ATP6V1H: variants seen among roughly 807,000 people sequenced by gnomAD.
The protein encoded by ATP6V1H is V-type proton ATPase subunit H.
In ATP6V1H, 39 loss-of-function variants were observed where a neutral mutation model predicts 71.7. The ratio of observed to expected loss-of-function variants is 0.54; its 90% confidence interval spans 0.42 to 0.71. The LOEUF (loss-of-function observed/expected upper bound fraction) is 0.71. ATP6V1H is among the 30% of genes least tolerant of loss of function. ATP6V1H has a pLI of 0.00. For synonymous variants in ATP6V1H, 192 were observed against 199.3 expected (o/e 0.96, Z 0.31); for missense variants, 509 against 594.9 (o/e 0.86, Z 1.50).
At position 53,829,533 on chromosome 8, in the gene ATP6V1H, A is replaced by C. The variant is rs1273794237; in HGVS notation, c.217T>G (p.Cys73Gly). The change falls in exon 4 of 14, where the codon TGT (cysteine) becomes GGT (glycine). Residue 73 changes from cysteine to glycine, a missense_variant and splice_region_variant. By Grantham distance (159) the Cys-to-Gly change is radical (BLOSUM62 -3). Around this residue, in one of 2 missense-constraint regions of ATP6V1H, gnomAD observed 297 missense variants for 303.3 expected, o/e 0.98. Coordinates refer to ENST00000359530, the MANE Select transcript of ATP6V1H (RefSeq NM_015941.4). Reference protein sequence around the residue: ...QEMLQTEGSQCAKTFINLMTH... With the variant: ...QEMLQTEGSQGAKTFINLMTH... Reference sequence around the variant, plus strand: ...ATCAGATTTATAAATGTTTTAGCACACTAAAAAAAAAAATGAAATTAAAGT... The same window carrying C: ...ATCAGATTTATAAATGTTTTAGCACCCTAAAAAAAAAAATGAAATTAAAGT... 3.2e-6 allele frequency: 5 copies of C among 1,556,986 alleles called. No homozygotes were observed. In the African/African-American group the frequency reaches 5.5e-5, roughly 17 times the overall value.
At chr8:53,793,527 C>T (rs1809631957) in intron 9 of ATP6V1H, among the ~76,000 whole-genome samples, 1 of 151,946 alleles carries the variant, frequency 6.6e-6, no homozygotes, top group African/African-American at 2.4e-5. Flanking sequence ...CACCTATAGT[C>T]CCAGCTACTT....
intron 9 of ATP6V1H, among the ~76,000 whole-genome samples, chr8:53,788,538 A>G (rs1809454288): frequency 6.6e-6 from 1 of 152,222 alleles, no homozygotes; most frequent in Non-Finnish European, 1.5e-5. Context: ...TTTTATGGAG[A>G]AAAGGGCAGG....
chr8:53,726,118 ACT>A (rs1480573927), intron 13 of ATP6V1H, among the ~76,000 whole-genome samples: 1 of 152,104 alleles, frequency 6.6e-6, no homozygotes, highest in Non-Finnish European at 1.5e-5. Context: ...AAAAGTTGTT[ACT>A]CTTTCTAGTG....
At chr8:53,733,679 CT>C (rs901102424) in intron 13 of ATP6V1H, among the ~76,000 whole-genome samples, 3 of 152,176 alleles carry the variant, frequency 2.0e-5, no homozygotes, top group Admixed American at 2.0e-4. Context: ...TGAGAAAATT[CT>C]TAGGAGCTGT....
chr8:53,797,963 G>A (rs1198942305), intron 8 of ATP6V1H, among the ~76,000 whole-genome samples: 1 of 152,088 alleles, frequency 6.6e-6, no homozygotes, highest in Non-Finnish European at 1.5e-5. Flanking sequence ...AGTTTAATGG[G>A]AATAGCACTG....
At chr8:53,826,951 C>CA (rs112178508) in intron 4 of ATP6V1H, among the ~76,000 whole-genome samples, 7,942 of 116,400 alleles carry the variant, frequency 0.068, 597 homozygotes, top group African/African-American at 0.2. Context: ...AATTCTGTCT[C>CA]AAAAAAAAAA....
chr8:53,825,677 G>A (rs1810804170), intron 4 of ATP6V1H, among the ~76,000 whole-genome samples: 1 of 152,040 alleles, frequency 6.6e-6, no homozygotes, highest in African/African-American at 2.4e-5. Flanking sequence ...TTTAATAAAT[G>A]GTGCTAGAAC....
intron 12 of ATP6V1H, among the ~76,000 whole-genome samples, chr8:53,756,059 T>TTTTTC: frequency 1.4e-5 from 2 of 142,866 alleles, no homozygotes; most frequent in South Asian, 2.2e-4. Context: ...TATACTATTC[T>TTTTTC]TTTTCTTTTC....
chr8:53,791,216 C>G (rs1809554604), intron 9 of ATP6V1H, among the ~76,000 whole-genome samples: 1 of 152,152 alleles, frequency 6.6e-6, no homozygotes, highest in South Asian at 2.1e-4. Context: ...AGCTCTTATT[C>G]CATGTTCCCT....
At position 53,794,384 on chromosome 8, in the gene ATP6V1H, G is replaced by T. The variant is rs528365352; in HGVS notation, c.870+1263C>A. ...ATTTTCATTTTACTTTATTTTTTTT[G>T]ATATGGAGTCTCACTCTGTCGCCCA... On this transcript the variant is annotated intron_variant, in intron 9 of 13. Coordinates refer to ENST00000359530, the MANE Select transcript of ATP6V1H (RefSeq NM_015941.4). 4.0e-3 allele frequency among the ~76,000 whole-genome samples: 605 copies of T among 151,494 alleles called. 4 individuals are homozygous for T. The highest frequency in any genetic ancestry group is 0.014 in the African/African-American group (564 of 41,298).
At chr8:53,795,454 T>TA (rs1313686889) in intron 9 of ATP6V1H, among the ~76,000 whole-genome samples, 193 bp downstream of exon 9, 3 of 152,224 alleles carry the variant, frequency 2.0e-5, no homozygotes, top group African/African-American at 4.8e-5. Flanking sequence ...CATTCATAGA[T>TA]AGTTTCCTCT....
In ATP6V1H at chr8:53,801,688, CAG is replaced by C. The variant is rs1480976568; in HGVS notation, c.677+109_677+110del. ...AAGCTTAGCATAGTCAATTGTTAAA[CAG>C]ATATGAAAAAAATAAAATATTTCTT... On this transcript the variant is annotated intron_variant, in intron 8 of 13. Transcript: ENST00000359530. 7.8e-6 allele frequency: 7 copies of C among 892,860 alleles called. No individual in the cohort carries two copies. In the African/African-American group the frequency reaches 1.0e-4, roughly 13 times the overall value. 55.3% of individuals were successfully genotyped at this position (892,860 alleles called of 1,614,324 possible).
rs1809918526 is a variant in ATP6V1H, at chr8:53,801,829, A to C, written c.647T>G (p.Phe216Cys). ...TACCCCATCTGCTTCCACCCAAGCAAAGCGGTACTCATTGACCCGGAGCAT... is the reference window on the plus strand; with the variant it reads ...TACCCCATCTGCTTCCACCCAAGCACAGCGGTACTCATTGACCCGGAGCAT... Reference protein sequence around the residue: ...QLMLRVNEYRFAWVEADGVNC... With the variant: ...QLMLRVNEYRCAWVEADGVNC... Residue 216 changes from phenylalanine to cysteine, a missense_variant, in exon 8 of 14, where the codon TTT becomes TGT. Phe to Cys is a radical substitution (Grantham distance 205). Around this residue, in one of 2 missense-constraint regions of ATP6V1H, gnomAD observed 297 missense variants for 303.3 expected, o/e 0.98. Transcript: ENST00000359530. The C allele has an allele frequency of 6.2e-7, 1 of 1,613,988 alleles. No individual in the cohort carries two copies. The highest frequency in any genetic ancestry group is 8.5e-7 in the Non-Finnish European group (1 of 1,179,992).
intron 7 of ATP6V1H, among the ~76,000 whole-genome samples, chr8:53,805,562 T>C (rs1810054140): frequency 6.6e-6 from 1 of 152,188 alleles, no homozygotes; most frequent in Non-Finnish European, 1.5e-5. Context: ...TTTCATGCTT[T>C]GTTGAAGGGC....
At chr8:53,769,555 C>A in intron 11 of ATP6V1H, 63 bp downstream of exon 11, 1 of 1,471,692 alleles carries the variant, frequency 6.8e-7, no homozygotes, top group Non-Finnish European at 9.2e-7. Flanking sequence ...GTGACAAAAA[C>A]GAGTGTTGGT....
intron 9 of ATP6V1H, among the ~76,000 whole-genome samples, chr8:53,789,289 T>C (rs1809488620): frequency 6.6e-6 from 1 of 152,092 alleles, no homozygotes; most frequent in Non-Finnish European, 1.5e-5. Context: ...GACAAAAAAG[T>C]AGGGTATGTG....
intron 9 of ATP6V1H, among the ~76,000 whole-genome samples, chr8:53,783,285 CTA>C (rs1809237061): frequency 6.6e-6 from 1 of 152,166 alleles, no homozygotes; most frequent in Non-Finnish European, 1.5e-5. Context: ...GTGTATGTGT[CTA>C]GGAATTTAAC....
At chr8:53,726,821 T>C (rs1023629825) in intron 13 of ATP6V1H, among the ~76,000 whole-genome samples, 3 of 152,144 alleles carry the variant, frequency 2.0e-5, no homozygotes, top group Non-Finnish European at 2.9e-5. Context: ...CACAAGATCA[T>C]GGAGAAAGAC....
At chr8:53,829,379 G>C (rs1810922722) in intron 4 of ATP6V1H, 65 bp downstream of exon 4, 2 of 946,860 alleles carry the variant, frequency 2.1e-6, no homozygotes, top group South Asian at 1.4e-5. Flanking sequence ...CACCAAAAAT[G>C]CTGCTACTGT....
Sources: allele counts gnomAD v4.1 joint callset (sites outside exome capture counted in the v4.1 genomes callset), GRCh38; gene constraint gnomAD v4.1.1; regional missense constraint gnomAD v4.1.1; transcripts MANE v1.5; gene names NCBI Gene and HGNC (gene_info 2026-07-23, HGNC 2026-07-21).